The following TMED8 variants were observed in gnomAD, a reference collection of about 807,000 sequenced individuals.
TMED8 encodes transmembrane p24 trafficking protein family member 8.
TMED8 carries 15 observed loss-of-function variants against 32.7 expected under a neutral mutation model. That is an observed-to-expected ratio of 0.46 (90% CI 0.31 to 0.71). TMED8 has a LOEUF of 0.71. TMED8 is among the 30% of genes least tolerant of loss of function. The pLI, the probability that TMED8 is intolerant of heterozygous loss-of-function variation, is 0.06. For missense variants in TMED8, 390 were observed against 423.9 expected (o/e 0.92, Z 0.70); for synonymous variants, 147 against 161.4 (o/e 0.91, Z 0.68).
At chr14:77,364,415 T>A (rs1226912704) in intron 1 of TMED8, among the ~76,000 whole-genome samples, 1 of 152,178 alleles carries the variant, frequency 6.6e-6, no homozygotes, top group East Asian at 1.9e-4. Flanking sequence ...GGCTAATTTT[T>A]AAATTTTTCT....
intron 1 of TMED8, among the ~76,000 whole-genome samples, chr14:77,374,406 T>A (rs1428799438): frequency 1.3e-5 from 2 of 152,226 alleles, no homozygotes; most frequent in Admixed American, 6.5e-5. Context: ...CTCCTTGTTA[T>A]GGGGATTGCC....
chr14:77,362,918 G>A (rs1893470521), intron 1 of TMED8, among the ~76,000 whole-genome samples: 1 of 152,060 alleles, frequency 6.6e-6, no homozygotes, highest in African/African-American at 2.4e-5. Flanking sequence ...GCCATCAAGA[G>A]GACATAACAA....
chr14:77,351,294 G>C (rs1401912128), intron 2 of TMED8, among the ~76,000 whole-genome samples: 2 of 150,826 alleles, frequency 1.3e-5, no homozygotes, highest in Non-Finnish European at 2.9e-5. Context: ...AGACCAGCCT[G>C]TCCAATATGA....
rs934499553 is a variant in TMED8, at chr14:77,340,144, G to A, written c.*1627C>T. 4.6e-5 allele frequency: 7 copies of A among 152,166 alleles called. No homozygotes were observed. Among genetic ancestry groups the A allele is most frequent in the Non-Finnish European group, 1.0e-4 (7 of 68,030 alleles). The allele number at this position is 152,166 out of a possible 1,614,324, so 9.4% of individuals were successfully genotyped here. Reference sequence around the variant, plus strand: ...TCCCTCACAACTTAGAATTTTTCATGGGGAGTGCTGGACTGTACCCCAAAC... The same window carrying A: ...TCCCTCACAACTTAGAATTTTTCATAGGGAGTGCTGGACTGTACCCCAAAC... On this transcript the variant is annotated 3_prime_UTR_variant, in exon 6 of 6. Transcript: ENST00000216468.
intron 1 of TMED8, 56 bp from the exon 2 acceptor site, chr14:77,351,807 T>C (rs1893186859): frequency 7.0e-7 from 1 of 1,429,370 alleles, no homozygotes. Flanking sequence ...CAATCATAAT[T>C]ATCTTGTACC....
chr14:77,367,845 C>T (rs1193324217), intron 1 of TMED8, among the ~76,000 whole-genome samples: 1 of 152,160 alleles, frequency 6.6e-6, no homozygotes, highest in East Asian at 1.9e-4. Flanking sequence ...AGGCGCCCAC[C>T]ACCACGCCCA....
intron 2 of TMED8, among the ~76,000 whole-genome samples, chr14:77,348,097 C>T (rs1893091160): frequency 6.6e-6 from 1 of 152,098 alleles, no homozygotes; most frequent in Admixed American, 6.6e-5. Context: ...AGATTTATGT[C>T]TCTCTTTGTA....
chr14:77,372,907 TA>T (rs369543164), intron 1 of TMED8, among the ~76,000 whole-genome samples: 4,648 of 40,156 alleles, frequency 0.12, 253 homozygotes, highest in Middle Eastern at 0.18. Flanking sequence ...CCACAGATAT[TA>T]TATATATATA....
intron 1 of TMED8, among the ~76,000 whole-genome samples, chr14:77,356,216 G>T (rs955944397): frequency 6.6e-6 from 1 of 152,058 alleles, no homozygotes; most frequent in Non-Finnish European, 1.5e-5. Flanking sequence ...AAGATACAGA[G>T]CTAAAATATT....
intron 1 of TMED8, among the ~76,000 whole-genome samples, chr14:77,362,365 T>C (rs1045025547): frequency 6.6e-6 from 1 of 152,178 alleles, no homozygotes; most frequent in Non-Finnish European, 1.5e-5. Context: ...CTTTATTACG[T>C]TGAGTAAATT....
At chr14:77,347,454 G>A (rs1893076591) in intron 2 of TMED8, among the ~76,000 whole-genome samples, 1 of 152,200 alleles carries the variant, frequency 6.6e-6, no homozygotes. Context: ...GTGAATAGTT[G>A]TTTGTTTTTT....
intron 2 of TMED8, among the ~76,000 whole-genome samples, chr14:77,348,639 C>G (rs1328539481): frequency 6.6e-6 from 1 of 152,164 alleles, no homozygotes; most frequent in Non-Finnish European, 1.5e-5. Flanking sequence ...TTGAGGGCAT[C>G]ATTTCCTCAA....
intron 1 of TMED8, among the ~76,000 whole-genome samples, chr14:77,370,061 A>C (rs994815867): frequency 6.6e-6 from 1 of 151,824 alleles, no homozygotes; most frequent in African/African-American, 2.4e-5. Context: ...AATCCCAGCT[A>C]CTCGGGAGGC....
intron 2 of TMED8, among the ~76,000 whole-genome samples, chr14:77,349,710 C>T (rs531247308): frequency 1.4e-4 from 22 of 152,162 alleles, no homozygotes; most frequent in African/African-American, 4.6e-4. Flanking sequence ...CTGCCCTTAC[C>T]CAGCTTCATT....
At position 77,338,503 on chromosome 14, in the gene TMED8, C is replaced by T. The variant is rs1181996218; in HGVS notation, c.*3268G>A. ...AAGTTTAACTCTCTCAACCAACTGC[C>T]AGTCAGGAACTCTTTGATCTACCTC... On this transcript the variant is annotated 3_prime_UTR_variant, in exon 6 of 6. Coordinates refer to ENST00000216468, the MANE Select transcript of TMED8 (RefSeq NM_213601.3). 1 of 152,240 alleles carries T rather than the reference C, an allele frequency of 6.6e-6. No homozygotes were observed. The highest frequency in any genetic ancestry group is 2.4e-5 in the African/African-American group (1 of 41,452). 9.4% of individuals were successfully genotyped at this position (152,240 alleles called of 1,614,324 possible).
intron 1 of TMED8, among the ~76,000 whole-genome samples, chr14:77,355,536 G>A (rs2364155): frequency 0.22 from 34,017 of 152,010 alleles, 4,014 homozygotes; most frequent in Admixed American, 0.29. Flanking sequence ...ATAAAGATAG[G>A]GCTATATCAT....
At chr14:77,366,608 G>A (rs1893557451) in intron 1 of TMED8, among the ~76,000 whole-genome samples, 1 of 152,108 alleles carries the variant, frequency 6.6e-6, no homozygotes. Flanking sequence ...ATTTCACTGG[G>A]TCCAGAAATC....
rs963453931 is a variant in TMED8, at chr14:77,338,806, A to T, written c.*2965T>A. 6.6e-6 allele frequency: 1 copy of T among 152,158 alleles called. No individual in the cohort carries two copies. Among genetic ancestry groups the T allele is most frequent in the African/African-American group, 2.4e-5 (1 of 41,424 alleles). The allele number at this position is 152,158 out of a possible 1,614,324, so 9.4% of individuals were successfully genotyped here. A position where few individuals can be genotyped will look rare whatever the true frequency, so the allele number is the denominator to read the frequency against. ...TATTTCTTTTAAGCTGTTTGCTGAA[A>T]TTTTTTCACAATAAAACACTGGGGG... On this transcript the variant is annotated 3_prime_UTR_variant, in exon 6 of 6. Transcript: ENST00000216468.
In TMED8 at chr14:77,367,308, AG is replaced by A. The variant is rs1893577309; in HGVS notation, c.118+9627del. ...CTATTGTGAAATATAACGCAAATGTAGAAGAGTACACAAAAGTGTATACCTC... is the reference window on the plus strand; with the variant it reads ...CTATTGTGAAATATAACGCAAATGTAAAGAGTACACAAAAGTGTATACCTC... On this transcript the variant is annotated intron_variant, in intron 1 of 5. Transcript: ENST00000216468. Among the ~76,000 whole-genome samples the A allele has an allele frequency of 2.0e-4, 30 of 151,360 alleles. 1 individual carries two copies. The highest frequency in any genetic ancestry group is 1.5e-3 in the Admixed American group (23 of 15,220).
Sources: allele counts gnomAD v4.1 joint callset (sites outside exome capture counted in the v4.1 genomes callset), GRCh38; gene constraint gnomAD v4.1.1; transcripts MANE v1.5; gene names NCBI Gene and HGNC (gene_info 2026-07-23, HGNC 2026-07-21).